ST8SIA4: variants seen among roughly 807,000 people sequenced by gnomAD.
ST8SIA4 encodes ST8 alpha-N-acetyl-neuraminide alpha-2,8-sialyltransferase 4.
A neutral mutation model predicts 33.9 loss-of-function variants in ST8SIA4; 15 were observed. The observed-to-expected ratio is 0.44, with a 90% confidence interval of 0.30 to 0.68. The LOEUF is 0.68. Among genes scored for constraint, ST8SIA4 ranks in the 30% least tolerant of loss-of-function variants. The probability of loss-of-function intolerance (pLI) is 0.10; values close to 1 mark genes in which losing one functional copy is unlikely to be tolerated. For missense variants in ST8SIA4, 321 were observed against 428.0 expected (o/e 0.75, Z 2.21); for synonymous variants, 171 against 151.2 (o/e 1.13, Z -0.96).
intron 4 of ST8SIA4, among the ~76,000 whole-genome samples, chr5:100,815,218 GA>G (rs900764860): frequency 2.0e-5 from 3 of 151,050 alleles, no homozygotes; most frequent in African/African-American, 4.9e-5. Context: ...AAATTTGAAG[GA>G]AAAAAAATCT....
intron 4 of ST8SIA4, among the ~76,000 whole-genome samples, chr5:100,852,348 C>T (rs1314852669): frequency 2.0e-5 from 3 of 151,692 alleles, no homozygotes; most frequent in African/African-American, 7.3e-5. Context: ...TCTCAAACTC[C>T]TGACCTCAGG....
chr5:100,848,651 T>A lies in ST8SIA4; in HGVS notation c.797+7452A>T, dbSNP rs561489488. ...AGTCTGTACAGTGTGTGTGTATATA[T>A]AACAGTAAATATGTATGTATACTAA... On this transcript the variant is annotated intron_variant, in intron 4 of 4. Transcript: ENST00000231461. Among the ~76,000 whole-genome samples, 12 of 150,322 alleles carry A rather than the reference T, an allele frequency of 8.0e-5. No homozygotes were observed. The East Asian group carries it at 1.9e-3, about 24-fold the overall frequency.
At chr5:100,870,464 A>T (rs1752174933) in intron 3 of ST8SIA4, among the ~76,000 whole-genome samples, 1 of 152,332 alleles carries the variant, frequency 6.6e-6, no homozygotes, top group East Asian at 1.9e-4. Flanking sequence ...TTATCAGTTT[A>T]CATTTCCAAA....
At chr5:100,895,563 C>A in intron 2 of ST8SIA4, 91 bp downstream of exon 2, 12 of 1,254,040 alleles carry the variant, frequency 9.6e-6, no homozygotes, top group Non-Finnish European at 1.2e-5. Flanking sequence ...CATACTTAAA[C>A]CATAAATCCA....
chr5:100,832,764 C>T (rs1392073869), intron 4 of ST8SIA4, among the ~76,000 whole-genome samples: 3 of 152,034 alleles, frequency 2.0e-5, no homozygotes, highest in African/African-American at 7.2e-5. Flanking sequence ...ACCAACCCAA[C>T]TCTTCAGGAC....
At chr5:100,817,159 G>A (rs1264844934) in intron 4 of ST8SIA4, among the ~76,000 whole-genome samples, 1 of 110,234 alleles carries the variant, frequency 9.1e-6, no homozygotes, top group Non-Finnish European at 1.7e-5. Context: ...GGTAGAGACT[G>A]GGTTTCACCA....
intron 4 of ST8SIA4, among the ~76,000 whole-genome samples, chr5:100,823,164 A>C (rs2725117): frequency 0.5 from 68,682 of 138,250 alleles, 16,286 homozygotes; most frequent in South Asian, 0.62. Context: ...AACAAACAAA[A>C]AAACCCCACC....
intron 1 of ST8SIA4, among the ~76,000 whole-genome samples, chr5:100,896,235 T>C (rs978910573): frequency 6.6e-6 from 1 of 152,066 alleles, no homozygotes; most frequent in African/African-American, 2.4e-5. Context: ...AACGAAAATG[T>C]GGTATATATA....
At chr5:100,864,232 G>A (rs1234418383) in intron 3 of ST8SIA4, among the ~76,000 whole-genome samples, 4 of 152,036 alleles carry the variant, frequency 2.6e-5, no homozygotes, top group Admixed American at 1.3e-4. Context: ...TAAGTAATAC[G>A]GAGGGTAAAG....
chr5:100,831,944 G>A (rs553323119), intron 4 of ST8SIA4, among the ~76,000 whole-genome samples: 70 of 152,080 alleles, frequency 4.6e-4, no homozygotes, highest in Non-Finnish European at 8.8e-4. Context: ...AAATACTTGA[G>A]TATACTCCCA....
At chr5:100,852,288 T>C (rs1304013343) in intron 4 of ST8SIA4, among the ~76,000 whole-genome samples, 1 of 151,708 alleles carries the variant, frequency 6.6e-6, no homozygotes, top group East Asian at 1.9e-4. Context: ...CATCTGGCTC[T>C]TTTTCGTATT....
At chr5:100,851,684 GT>G (rs1039220497) in intron 4 of ST8SIA4, among the ~76,000 whole-genome samples, 1 of 151,876 alleles carries the variant, frequency 6.6e-6, no homozygotes, top group Non-Finnish European at 1.5e-5. Context: ...CTATCTATAG[GT>G]TTTTTGGAAG....
At chr5:100,864,596 A>T (rs1401187133) in intron 3 of ST8SIA4, among the ~76,000 whole-genome samples, 1 of 131,872 alleles carries the variant, frequency 7.6e-6, no homozygotes, top group African/African-American at 2.6e-5. Flanking sequence ...AAAAAAAAAA[A>T]AAAAAAAGCC....
chr5:100,852,912 G>A (rs3776165), intron 4 of ST8SIA4, among the ~76,000 whole-genome samples: 1 of 152,256 alleles, frequency 6.6e-6, no homozygotes, highest in South Asian at 2.1e-4. Flanking sequence ...ACAAATCACT[G>A]AAACTTTTTA....
chr5:100,808,393 A>T lies in ST8SIA4; in HGVS notation c.*3454T>A, dbSNP rs1750737426. On this transcript the variant is annotated 3_prime_UTR_variant, in exon 5 of 5. Coordinates refer to ENST00000231461, the MANE Select transcript of ST8SIA4 (RefSeq NM_005668.6). ...TAGTTTCAACAGTCCTGTGGGCTGA[A>T]TCATTAGATTTGCCAAGAAAATCTA... 6.5e-6 allele frequency: 1 copy of T among 152,682 alleles called. No individual in the cohort carries two copies. Among genetic ancestry groups the T allele is most frequent in the Admixed American group, 6.5e-5 (1 of 15,280 alleles). The allele number at this position is 152,682 out of a possible 1,614,324, so 9.5% of individuals were successfully genotyped here.
intron 4 of ST8SIA4, among the ~76,000 whole-genome samples, chr5:100,817,475 T>C (rs1296720237): frequency 6.6e-6 from 1 of 152,164 alleles, no homozygotes; most frequent in Admixed American, 6.5e-5. Flanking sequence ...ATGAGGAGTA[T>C]ATGTGTGTCA....
In ST8SIA4 at chr5:100,809,139, A is replaced by C. The variant is rs1750753287; in HGVS notation, c.*2708T>G. On this transcript the variant is annotated 3_prime_UTR_variant, in exon 5 of 5. Coordinates refer to ENST00000231461, the MANE Select transcript of ST8SIA4 (RefSeq NM_005668.6). ...GTGCTGTGGCCTTAACATTGTTTAA[A>C]TGTATTTACTGAAAATATACTAAAA... 1 of 152,620 alleles carries C rather than the reference A, an allele frequency of 6.6e-6. No homozygotes were observed. Among genetic ancestry groups the C allele is most frequent in the African/African-American group, 2.4e-5 (1 of 41,438 alleles). The allele number at this position is 152,620 out of a possible 1,614,324, so 9.5% of individuals were successfully genotyped here.
intron 3 of ST8SIA4, among the ~76,000 whole-genome samples, chr5:100,875,703 T>C (rs1026434026): frequency 1.3e-5 from 2 of 152,210 alleles, no homozygotes; most frequent in Non-Finnish European, 2.9e-5. Context: ...AAGTTTATTG[T>C]ATAAATAAAA....
intron 3 of ST8SIA4, among the ~76,000 whole-genome samples, chr5:100,868,049 T>C (rs1004995696): frequency 4.6e-5 from 7 of 152,046 alleles, no homozygotes; most frequent in African/African-American, 1.7e-4. Flanking sequence ...TCTGATTCAT[T>C]ACAAAGCCCT....
Sources: gnomAD v4.1 joint callset for allele counts (sites outside exome capture counted in the v4.1 genomes callset) on GRCh38, gnomAD v4.1.1 for gene constraint, MANE v1.5 for transcripts, NCBI Gene and HGNC (gene_info 2026-07-23, HGNC 2026-07-21) for gene names.